Variants in PROM1 observed in about 807,000 individuals in gnomAD.
The protein encoded by PROM1 is prominin-1.
A neutral mutation model predicts 116.9 loss-of-function variants in PROM1; 105 were observed. The ratio of observed to expected loss-of-function variants is 0.90; its 90% CI spans 0.77 to 1.06. The LOEUF (loss-of-function observed/expected upper bound fraction) is 1.06, where lower values mean the gene tolerates loss of function less well. Ranked by LOEUF, PROM1 falls within the 50% of genes least tolerant of loss-of-function variation. The pLI, the probability that PROM1 is intolerant of heterozygous loss-of-function variation, is 0.00. For missense variants in PROM1, 1,122 were observed against 1,045.2 expected (o/e 1.07, Z -1.01); for synonymous variants, 393 against 387.0 (o/e 1.02, Z -0.18).
chr4:16,065,017 T>C (rs1197692305), intron 2 of PROM1, among the ~76,000 whole-genome samples: 2 of 152,228 alleles, frequency 1.3e-5, no homozygotes, highest in Non-Finnish European at 2.9e-5. Flanking sequence ...ACACTTTGCA[T>C]AGGACTGAGC....
chr4:16,037,498 G>A (rs551459428), intron 3 of PROM1, among the ~76,000 whole-genome samples: 20 of 152,210 alleles, frequency 1.3e-4, no homozygotes, highest in Middle Eastern at 3.4e-3. Context: ...AGAATATGAT[G>A]AGGCCATTTG....
rs141206316 is a variant in PROM1, at chr4:16,011,292, C to T, written c.1141+1983G>A. Among the ~76,000 whole-genome samples the T allele has an allele frequency of 3.0e-4, 46 of 152,260 alleles. No homozygotes were observed. In the East Asian group the frequency reaches 4.1e-3, roughly 13 times the overall value. Reference sequence around the variant, plus strand: ...ATGGTGCCAGAGTGTGACAACAAGTCTGTGTACACATGGCTGGCTAAAGGA... The same window carrying T: ...ATGGTGCCAGAGTGTGACAACAAGTTTGTGTACACATGGCTGGCTAAAGGA... On this transcript the variant is annotated intron_variant, in intron 11 of 27. Coordinates refer to ENST00000447510, the MANE Select transcript of PROM1 (RefSeq NM_006017.3).
At chr4:16,036,437 T>A (rs1578149071) in intron 3 of PROM1, among the ~76,000 whole-genome samples, 1 of 152,140 alleles carries the variant, frequency 6.6e-6, no homozygotes, top group East Asian at 1.9e-4. Flanking sequence ...TCCAAAATAC[T>A]GGGACTGGGG....
intron 15 of PROM1, among the ~76,000 whole-genome samples, chr4:15,996,958 G>A (rs1722473703): frequency 6.6e-6 from 1 of 152,088 alleles, no homozygotes; most frequent in African/African-American, 2.4e-5. Flanking sequence ...AACACACCAT[G>A]TTAACACACA....
chr4:16,077,770 T>G (rs2138842), intron 1 of PROM1, among the ~76,000 whole-genome samples: 102,042 of 152,026 alleles, frequency 0.67, 35,408 homozygotes, highest in Non-Finnish European at 0.76. Flanking sequence ...AGCAATCCAG[T>G]ACATGCTTAT....
chr4:15,970,073 T>C (rs1053112667), intron 27 of PROM1, among the ~76,000 whole-genome samples: 2 of 151,562 alleles, frequency 1.3e-5, no homozygotes, highest in African/African-American at 2.4e-5. Flanking sequence ...GCAATCCTTC[T>C]ACCACAGCCT....
At chr4:16,045,826 A>G (rs1367017138) in intron 2 of PROM1, among the ~76,000 whole-genome samples, 1 of 152,172 alleles carries the variant, frequency 6.6e-6, no homozygotes, top group Non-Finnish European at 1.5e-5. Context: ...GACCAAATAC[A>G]GTGGAGCATT....
At chr4:16,038,661 A>G (rs1205817874) in intron 3 of PROM1, among the ~76,000 whole-genome samples, 3 of 152,000 alleles carry the variant, frequency 2.0e-5, no homozygotes, top group African/African-American at 7.3e-5. Context: ...TCAGCCTACC[A>G]AAGTGCTGGG....
chr4:16,025,291 A>G lies in PROM1; in HGVS notation c.531T>C (p.Phe177=). 1 of 1,613,962 alleles carries G rather than the reference A, an allele frequency of 6.2e-7. No individual in the cohort carries two copies. The change falls in exon 6 of 28, where the codon TTT becomes TTC. Residue 177 remains phenylalanine (F), a synonymous_variant. Coordinates refer to ENST00000447510, the MANE Select transcript of PROM1 (RefSeq NM_006017.3). ...IIISIGIFYG[F]VANHQVRTRI... ...GGGTTCTTACCTGGTGATTTGCCACAAAACCATAGAAGATGCCAATGCTGC... is the reference window on the plus strand; with the variant it reads ...GGGTTCTTACCTGGTGATTTGCCACGAAACCATAGAAGATGCCAATGCTGC...
At chr4:15,996,670 C>A (rs569336852) in intron 15 of PROM1, among the ~76,000 whole-genome samples, 2 of 152,184 alleles carry the variant, frequency 1.3e-5, no homozygotes, top group Admixed American at 6.5e-5. Flanking sequence ...ACAAAAAGAA[C>A]CTTGCAATAC....
At chr4:15,998,624 A>C in intron 14 of PROM1, 136 bp from the exon 15 acceptor site, 1 of 954,560 alleles carries the variant, frequency 1.0e-6, no homozygotes, top group Non-Finnish European at 1.4e-6. Flanking sequence ...TTTCCAACTT[A>C]TAACTAGAAA....
chr4:15,973,902 G>A (rs1715349681), intron 26 of PROM1, among the ~76,000 whole-genome samples: 1 of 152,126 alleles, frequency 6.6e-6, no homozygotes, highest in South Asian at 2.1e-4. Flanking sequence ...GACAGCCATA[G>A]AGGGCCGATG....
At chr4:16,078,784 A>T (rs1744462442) in intron 1 of PROM1, among the ~76,000 whole-genome samples, 1 of 152,202 alleles carries the variant, frequency 6.6e-6, no homozygotes, top group Admixed American at 6.5e-5. Context: ...AACAGATGGG[A>T]TTTCTTGAGC....
chr4:16,057,167 G>T (rs1424587805), intron 2 of PROM1, among the ~76,000 whole-genome samples: 1 of 152,192 alleles, frequency 6.6e-6, no homozygotes, highest in Non-Finnish European at 1.5e-5. Context: ...CAGGCATCCG[G>T]GTAGTCAGTC....
chr4:16,029,360 G>GTT (rs34482141), intron 5 of PROM1, among the ~76,000 whole-genome samples: 7,006 of 149,708 alleles, frequency 0.047, 272 homozygotes, highest in African/African-American at 0.11. Context: ...TCAAGTCATG[G>GTT]TTTTTTTTTT....
chr4:16,048,240 G>A (rs1024965594), intron 2 of PROM1, among the ~76,000 whole-genome samples: 2 of 152,120 alleles, frequency 1.3e-5, no homozygotes, highest in African/African-American at 2.4e-5. Flanking sequence ...CAAACAGTAC[G>A]ATGGCCTCGG....
chr4:16,064,327 A>G (rs908744363), intron 2 of PROM1, among the ~76,000 whole-genome samples: 3 of 152,244 alleles, frequency 2.0e-5, no homozygotes, highest in African/African-American at 7.2e-5. Context: ...CAATATGGAT[A>G]AATTTCACAA....
chr4:16,031,128 A>G lies in PROM1; in HGVS notation c.509+2176T>C, dbSNP rs1260173993. 2.6e-5 allele frequency among the ~76,000 whole-genome samples: 4 copies of G among 152,350 alleles called. No homozygotes were observed. The South Asian group carries it at 6.2e-4, about 24-fold the overall frequency. On this transcript the variant is annotated intron_variant, in intron 5 of 27. Coordinates refer to ENST00000447510, the MANE Select transcript of PROM1 (RefSeq NM_006017.3). ...TTCAGGTAAATAAATAACTACATTC[A>G]ATAAAGAATTTTCCTGAAATTATAC...
chr4:16,023,958 G>A (rs145674334), intron 7 of PROM1, among the ~76,000 whole-genome samples: 1 of 152,220 alleles, frequency 6.6e-6, no homozygotes, highest in Non-Finnish European at 1.5e-5. Flanking sequence ...CGGTTTCTCT[G>A]AGGAGCTGGC....
Sources: gnomAD v4.1 joint callset for allele counts (sites outside exome capture counted in the v4.1 genomes callset) on GRCh38, gnomAD v4.1.1 for gene constraint, MANE v1.5 for transcripts, NCBI Gene and HGNC (gene_info 2026-07-23, HGNC 2026-07-21) for gene names.